VTCN1: variants seen among roughly 807,000 people sequenced by gnomAD.
VTCN1 encodes the protein V-set domain-containing T-cell activation inhibitor 1.
In VTCN1, 26 loss-of-function variants were observed where a neutral mutation model predicts 26.5. The observed-to-expected ratio is 0.98, with a 90% CI of 0.72 to 1.36. The LOEUF is 1.36. Among genes scored for constraint, VTCN1 ranks in the 40% most tolerant of loss-of-function variants. The probability of loss-of-function intolerance (pLI) is 0.00; values close to 1 mark genes in which losing one functional copy is unlikely to be tolerated. For synonymous variants in VTCN1, 116 were observed against 130.7 expected (o/e 0.89, Z 0.77); for missense variants, 298 against 337.7 (o/e 0.88, Z 0.92).
At position 117,145,805 on chromosome 1, in the gene VTCN1, A is replaced by T. The variant is rs560473963; in HGVS notation, c.*46-580T>A. Among the ~76,000 whole-genome samples the T allele has an allele frequency of 1.3e-5, 2 of 151,928 alleles. No homozygotes were observed. Among genetic ancestry groups the T allele is most frequent in the South Asian group, 2.1e-4 (1 of 4,798 alleles). ...GACCTCCACACCTGGCTAATTTTTA[A>T]ATTTTTTTGTAGAGATGGGGGTCTC... On this transcript the variant is annotated intron_variant, in intron 5 of 5. Coordinates refer to ENST00000369458, the MANE Select transcript of VTCN1 (RefSeq NM_024626.4). This position sits in a 1 kb window ranked among gnomAD's most constrained non-coding sequence, Gnocchi z 4.6.
At chr1:117,209,610 G>A (rs370705120) in intron 1 of VTCN1, among the ~76,000 whole-genome samples, 106 of 152,308 alleles carry the variant, frequency 7.0e-4, no homozygotes, top group African/African-American at 2.0e-3. Context: ...TGACATAGGT[G>A]CTTCTTAGGG....
intron 1 of VTCN1, among the ~76,000 whole-genome samples, chr1:117,195,695 G>A (rs1648473254): frequency 6.6e-6 from 1 of 152,086 alleles, no homozygotes; most frequent in Non-Finnish European, 1.5e-5. Flanking sequence ...AGCATAAGTT[G>A]GTACCAACTT....
In VTCN1 at chr1:117,175,416, A is replaced by C. The variant is rs963794823; in HGVS notation, c.33-5245T>G. Among the ~76,000 whole-genome samples the C allele has an allele frequency of 6.6e-6, 1 of 152,184 alleles. No homozygotes were observed. Among genetic ancestry groups the C allele is most frequent in the African/African-American group, 2.4e-5 (1 of 41,446 alleles). On this transcript the variant is annotated intron_variant, in intron 1 of 5. Coordinates refer to ENST00000369458, the MANE Select transcript of VTCN1 (RefSeq NM_024626.4). The surrounding 1 kb of genome is among the most constrained non-coding windows in gnomAD (Gnocchi z 4.2). Reference sequence around the variant, plus strand: ...AGCCGGCGTGGTCGCTGTGAAGCGGATGTGCAGCCTAGGACACGCAAGGGT... The same window carrying C: ...AGCCGGCGTGGTCGCTGTGAAGCGGCTGTGCAGCCTAGGACACGCAAGGGT...
chr1:117,177,844 T>C (rs1270416937), intron 1 of VTCN1, among the ~76,000 whole-genome samples: 3 of 151,718 alleles, frequency 2.0e-5, no homozygotes, highest in Non-Finnish European at 2.9e-5. Flanking sequence ...TGGCTTAGAA[T>C]ATTGTGTTGA....
chr1:117,147,863 T>C lies in VTCN1; in HGVS notation c.725-81A>G. ...CACATGACTGGTTAGCAAAGAAAAG[T>C]ACCTGAAAAACAGAACAAGTTGTTC... On this transcript the variant is annotated intron_variant, in intron 4 of 5. Coordinates refer to ENST00000369458, the MANE Select transcript of VTCN1 (RefSeq NM_024626.4). This position sits in a 1 kb window ranked among gnomAD's most constrained non-coding sequence, Gnocchi z 4.6. 6.5e-7 allele frequency: 1 copy of C among 1,526,924 alleles called. No individual in the cohort carries two copies. Among genetic ancestry groups the C allele is most frequent in the Non-Finnish European group, 8.8e-7 (1 of 1,140,590 alleles). 94.6% of individuals were successfully genotyped at this position (1,526,924 alleles called of 1,614,324 possible).
intron 1 of VTCN1, among the ~76,000 whole-genome samples, chr1:117,206,062 G>A (rs1649036715): frequency 1.3e-5 from 2 of 151,962 alleles, no homozygotes; most frequent in Admixed American, 6.6e-5. Context: ...CATTTAATAA[G>A]TCTAAATCCT....
intron 1 of VTCN1, among the ~76,000 whole-genome samples, chr1:117,205,164 A>T (rs1479106745): frequency 2.1e-5 from 3 of 145,146 alleles, no homozygotes; most frequent in Non-Finnish European, 4.5e-5. Context: ...ATATAGAGAG[A>T]GAGAGAGAGA....
intron 4 of VTCN1, among the ~76,000 whole-genome samples, chr1:117,151,802 C>G (rs146040544): frequency 1.3e-5 from 2 of 152,238 alleles, no homozygotes; most frequent in East Asian, 3.9e-4. Flanking sequence ...CACCATTTTA[C>G]AGTCCCACCA....
chr1:117,165,943 T>C (rs1185963611), intron 2 of VTCN1, among the ~76,000 whole-genome samples: 2 of 152,202 alleles, frequency 1.3e-5, no homozygotes, highest in Non-Finnish European at 2.9e-5. Flanking sequence ...AAAATCCAAC[T>C]AAACAGTATT....
At chr1:117,170,266 A>C in intron 1 of VTCN1, 95 bp from the exon 2 acceptor site, 1 of 1,161,750 alleles carries the variant, frequency 8.6e-7, no homozygotes, top group Non-Finnish European at 1.3e-6. Flanking sequence ...GGATAAGATG[A>C]GTTACATAAA....
intron 1 of VTCN1, among the ~76,000 whole-genome samples, chr1:117,198,788 G>A (rs1648645138): frequency 6.6e-6 from 1 of 152,142 alleles, no homozygotes; most frequent in African/African-American, 2.4e-5. Flanking sequence ...AGAAATACGG[G>A]GTGATCCATT....
chr1:117,156,722 G>T lies in VTCN1; in HGVS notation c.297C>A (p.Gly99=). 1.9e-6 allele frequency: 3 copies of T among 1,614,108 alleles called. No individual in the cohort carries two copies. Among genetic ancestry groups the T allele is most frequent in the Non-Finnish European group, 2.5e-6 (3 of 1,180,022 alleles). The change falls in exon 3 of 6, where the codon GGC becomes GGA. Residue 99 remains glycine (G), a synonymous_variant. Coordinates refer to ENST00000369458, the MANE Select transcript of VTCN1 (RefSeq NM_024626.4). ...CTTGATCAGCAAACACTGCTGTCCG[G>T]CCTCTGAACATTTCATCCTGCTCCG... is the stretch of plus-strand genomic sequence containing the variant. ...ELSEQDEMFR[G]RTAVFADQVI...
intron 1 of VTCN1, among the ~76,000 whole-genome samples, chr1:117,171,665 A>AC (rs957525608): frequency 7.2e-5 from 11 of 152,258 alleles, no homozygotes; most frequent in African/African-American, 4.8e-5. Flanking sequence ...TATATGGCAG[A>AC]CATGTTGTTC....
intron 1 of VTCN1, among the ~76,000 whole-genome samples, chr1:117,172,195 C>CG (rs1444665829): frequency 1.3e-5 from 2 of 152,198 alleles, no homozygotes; most frequent in Non-Finnish European, 2.9e-5. Context: ...AAAAGAAACG[C>CG]GGGGCTTTGC....
chr1:117,157,897 G>T (rs370829769), intron 2 of VTCN1, among the ~76,000 whole-genome samples: 22 of 152,280 alleles, frequency 1.4e-4, no homozygotes, highest in South Asian at 6.2e-4. Flanking sequence ...CATTCCAAAT[G>T]GGAGAAATTG....
chr1:117,173,078 A>C lies in VTCN1; in HGVS notation c.33-2907T>G. ...TGAGCTGTAACACTTACCGTGAAGGACCGCAGCTTCATTCCTGAAGTCAGA... is the reference window on the plus strand; with the variant it reads ...TGAGCTGTAACACTTACCGTGAAGGCCCGCAGCTTCATTCCTGAAGTCAGA... On this transcript the variant is annotated intron_variant, in intron 1 of 5. Transcript: ENST00000369458. The C allele has an allele frequency of 4.3e-6, 3 of 699,992 alleles. No homozygotes were observed. In the South Asian group the frequency reaches 4.6e-5, roughly 11 times the overall value. The allele number at this position is 699,992 out of a possible 1,614,324, so 43.4% of individuals were successfully genotyped here. A position where few individuals can be genotyped will look rare whatever the true frequency, so the allele number is the denominator to read the frequency against.
At chr1:117,157,500 C>T (rs974410391) in intron 2 of VTCN1, among the ~76,000 whole-genome samples, 1 of 152,112 alleles carries the variant, frequency 6.6e-6, no homozygotes, top group Admixed American at 6.6e-5. Context: ...GATAAACCCA[C>T]CAGATCTCAT....
intron 1 of VTCN1, among the ~76,000 whole-genome samples, chr1:117,171,787 G>A (rs1277636024): frequency 6.6e-6 from 1 of 152,162 alleles, no homozygotes; most frequent in East Asian, 1.9e-4. Flanking sequence ...GGGAGATTAA[G>A]CATCTTCCCT....
chr1:117,208,110 C>A (rs1649187529), intron 1 of VTCN1, among the ~76,000 whole-genome samples: 1 of 152,174 alleles, frequency 6.6e-6, no homozygotes, highest in Non-Finnish European at 1.5e-5. Flanking sequence ...ACCACAAATC[C>A]CAGTTCTGAG....
Sources: gnomAD v4.1 joint callset for allele counts (sites outside exome capture counted in the v4.1 genomes callset) on GRCh38, gnomAD v4.1.1 for gene constraint, Gnocchi (gnomAD v3.1) non-coding constraint, MANE v1.5 for transcripts, NCBI Gene and HGNC (gene_info 2026-07-23, HGNC 2026-07-21) for gene names.